The following EVC2 variants were observed in gnomAD, a reference collection of about 807,000 sequenced individuals.
EVC2 encodes the protein limbin.
In EVC2, 148 loss-of-function variants were observed where a neutral mutation model predicts 149.3. The ratio of observed to expected loss-of-function variants is 0.99; its 90% CI spans 0.87 to 1.14. The LOEUF (loss-of-function observed/expected upper bound fraction) is 1.14. Ranked by LOEUF, EVC2 falls within the 50% of genes most tolerant of loss-of-function variation. The pLI is 0.00. For missense variants in EVC2, 1,854 were observed against 1,627.3 expected, an observed-to-expected ratio of 1.14 and a Z score of -2.40; for synonymous variants, 776 against 649.9, an observed-to-expected ratio of 1.19 and a Z score of -2.95.
Position 5,575,946 on chromosome 4 carries a change from A to G in EVC2, c.3272+294T>C, listed in dbSNP as rs564048042. Among the ~76,000 whole-genome samples, 7 of 152,362 alleles carry G rather than the reference A, an allele frequency of 4.6e-5. No homozygotes were observed. In the South Asian group the frequency reaches 1.2e-3, roughly 27 times the overall value. ...CAAGAAGGAAAGCTGGGGGAAGGGT[A>G]CATGGCACTCTCCCTACTACCTTTG... On this transcript the variant is annotated intron_variant, in intron 18 of 21. Transcript: ENST00000344408.
intron 9 of EVC2, among the ~76,000 whole-genome samples, chr4:5,646,057 G>C (rs1481895669): frequency 6.6e-6 from 1 of 152,084 alleles, no homozygotes; most frequent in Non-Finnish European, 1.5e-5. Context: ...TCCGCCTCCT[G>C]AGTACCTGGG....
At position 5,663,169 on chromosome 4, in the gene EVC2, G is replaced by T. The variant is rs142231129; in HGVS notation, c.1083C>A (p.Asn361Lys). 4 of 1,614,162 alleles carry T rather than the reference G, an allele frequency of 2.5e-6. No individual in the cohort carries two copies. The highest frequency in any genetic ancestry group is 3.4e-6 in the Non-Finnish European group (4 of 1,180,020). Reference protein sequence around the residue: ...ADGVNEDLSLNDQMIDILSSE... With the variant: ...ADGVNEDLSLKDQMIDILSSE... ...AAGACAGAATGTCTATCATTTGGTC[G>T]TTAAGGGAAAGGTCCTCATTCACGC... Residue 361 changes from asparagine (N) to lysine (K), a missense_variant, in exon 9 of 22, where the codon AAC becomes AAA. Physicochemically the swap from Asn to Lys is moderately conservative, Grantham distance 94. Transcript: ENST00000344408.
intron 17 of EVC2, among the ~76,000 whole-genome samples, chr4:5,581,158 ATTTC>A (rs1199282267): frequency 6.6e-6 from 1 of 152,228 alleles, no homozygotes; most frequent in Non-Finnish European, 1.5e-5. Flanking sequence ...AGTCTCAGGT[ATTTC>A]TTTATAGCAA....
rs1716872906 is a variant in EVC2, at chr4:5,636,059, T to G, written c.1471-4027A>C. ...CAGCGCCGAGCAATGGCTGAAGTAC[T>G]ATACGAGAATTAACTTACTTATACT... is the stretch of plus-strand genomic sequence containing the variant. On this transcript the variant is annotated intron_variant, in intron 10 of 21. Coordinates refer to ENST00000344408, the MANE Select transcript of EVC2 (RefSeq NM_147127.5). The surrounding 1 kb of genome is among the most constrained non-coding windows in gnomAD (Gnocchi z 4.6). Among the ~76,000 whole-genome samples, 1 of 152,234 alleles carries G rather than the reference T, an allele frequency of 6.6e-6. No homozygotes were observed. The highest frequency in any genetic ancestry group is 1.5e-5 in the Non-Finnish European group (1 of 68,048).
chr4:5,706,413 CATAGATAGATAGATACATAG>C lies in EVC2; in HGVS notation c.228+1853_228+1872del, dbSNP rs1722182106. 3.9e-4 allele frequency among the ~76,000 whole-genome samples: 6 copies of C among 15,542 alleles called. 2 individuals carry two copies. The highest frequency in any genetic ancestry group is 5.6e-4 in the Non-Finnish European group (4 of 7,182). 10.2% of individuals were successfully genotyped at this position (15,542 alleles called of 152,430 possible). ...AGATACATAGATAGATAGATAGATACATAGATAGATAGATACATAGATAGATAGATAGATACATACATACA... is the reference window on the plus strand; with the variant it reads ...AGATACATAGATAGATAGATAGATACATAGATAGATAGATACATACATACA... On this transcript the variant is annotated intron_variant, in intron 1 of 21. Coordinates refer to ENST00000344408, the MANE Select transcript of EVC2 (RefSeq NM_147127.5).
At position 5,706,358 on chromosome 4, in the gene EVC2, A is replaced by ATAGATACATACATAGATAGATAGC. The variant is rs1560243316; in HGVS notation, c.228+1927_228+1928insGCTATCTATCTATGTATGTATCTA. 1.6e-3 allele frequency among the ~76,000 whole-genome samples: 30 copies of ATAGATACATACATAGATAGATAGC among 19,006 alleles called. 2 individuals are homozygous for ATAGATACATACATAGATAGATAGC. Among genetic ancestry groups the ATAGATACATACATAGATAGATAGC allele is most frequent in the African/African-American group, 5.1e-3 (13 of 2,536 alleles). The allele number at this position is 19,006 out of a possible 152,430, so 12.5% of individuals were successfully genotyped here. On this transcript the variant is annotated intron_variant, in intron 1 of 21. Transcript: ENST00000344408. ...GATAGATACATAGATAGATAGACAC[A>ATAGATACATACATAGATAGATAGC]TAGATAGATACATAGATAGATACAT...
intron 10 of EVC2, among the ~76,000 whole-genome samples, chr4:5,639,649 T>C (rs1441420439): frequency 2.0e-5 from 3 of 152,194 alleles, no homozygotes; most frequent in African/African-American, 7.2e-5. Context: ...GAGTTCAGGT[T>C]TTTCTGACTC....
chr4:5,545,737 T>A (rs2108756886), intron 21 of EVC2, among the ~76,000 whole-genome samples: 2 of 152,192 alleles, frequency 1.3e-5, no homozygotes, highest in Admixed American at 1.3e-4. Flanking sequence ...CAGTTCTGTA[T>A]AAAGATTTAG....
chr4:5,545,130 G>A (rs1028834679), intron 21 of EVC2, among the ~76,000 whole-genome samples: 3 of 152,206 alleles, frequency 2.0e-5, no homozygotes, highest in African/African-American at 7.2e-5. Context: ...ACCTATAGAT[G>A]GCCCTGTATG....
Position 5,628,592 on chromosome 4 carries a change from G to A in EVC2, c.1853C>T (p.Ala618Val). The stretch of plus-strand genomic sequence containing the variant: ...CTTCTGAATGAGGTGAGTCAGCTGG[G>A]CTGCAGCGGTGCTCAGAAGGCCCTG... ...RVQGLLSTAA[A>V]QLTHLIQKHE... Residue 618 changes from alanine to valine, a missense_variant, in exon 12 of 22, where the codon GCC (alanine) becomes GTC (valine). Ala to Val is a moderately conservative substitution (Grantham distance 64). Coordinates refer to ENST00000344408, the MANE Select transcript of EVC2 (RefSeq NM_147127.5). 6.2e-7 allele frequency: 1 copy of A among 1,614,068 alleles called. No homozygotes were observed. Among genetic ancestry groups the A allele is most frequent in the African/African-American group, 1.3e-5 (1 of 75,018 alleles).
At position 5,625,926 on chromosome 4, in the gene EVC2, A is replaced by G. The variant is rs1246150488; in HGVS notation, c.1887-18T>C. ...ACCCTGCTCTAGATGGAAAGGATGT[A>G]AAGTTAGGAATGTGGTCTCCAAACT... On this transcript the variant is annotated intron_variant, in intron 12 of 21. Transcript: ENST00000344408. This position sits in a 1 kb window ranked among gnomAD's most constrained non-coding sequence, Gnocchi z 4.0. The G allele has an allele frequency of 4.3e-6, 7 of 1,613,644 alleles. No individual in the cohort carries two copies. In the South Asian group the frequency reaches 5.5e-5, roughly 13 times the overall value.
chr4:5,666,717 T>G (rs73065643), intron 7 of EVC2, among the ~76,000 whole-genome samples: 1 of 152,234 alleles, frequency 6.6e-6, no homozygotes, highest in Admixed American at 6.5e-5. Flanking sequence ...CTGCCTTCTA[T>G]ATTGTCACAG....
chr4:5,578,025 G>A (rs771512976), intron 17 of EVC2, among the ~76,000 whole-genome samples: 2 of 123,200 alleles, frequency 1.6e-5, no homozygotes, highest in African/African-American at 7.8e-5. Context: ...GGAGAGCCCT[G>A]GTTAGGAATG....
At chr4:5,645,837 C>T (rs1049176244) in intron 9 of EVC2, among the ~76,000 whole-genome samples, 3 of 152,234 alleles carry the variant, frequency 2.0e-5, no homozygotes, top group Non-Finnish European at 2.9e-5. Flanking sequence ...GAAGTTGCCA[C>T]ACTGTTTTCC....
rs530685240 is a variant in EVC2 at position 5,655,676 on chromosome 4, A to G, written c.1145+7431T>C. Reference sequence around the variant, plus strand: ...TCACAGACTGTGCTGAGAGCCTCAGAGGCAGAGCACGCACACACAGCCCCT... The same window carrying G: ...TCACAGACTGTGCTGAGAGCCTCAGGGGCAGAGCACGCACACACAGCCCCT... On this transcript the variant is annotated intron_variant, in intron 9 of 21. Transcript: ENST00000344408. 2.6e-5 allele frequency among the ~76,000 whole-genome samples: 4 copies of G among 151,684 alleles called. No homozygotes were observed. In the South Asian group the frequency reaches 8.4e-4, roughly 32 times the overall value.
In EVC2 at chr4:5,574,825, A is replaced by AT. The variant is rs1577106697; in HGVS notation, c.3273-54dup. 56 of 1,523,820 alleles carry AT rather than the reference A, an allele frequency of 3.7e-5. 1 individual carries two copies. In the South Asian group the frequency reaches 6.1e-4, roughly 16 times the overall value. The allele number at this position is 1,523,820 out of a possible 1,614,324, so 94.4% of individuals were successfully genotyped here. ...TTCAGTTTTGTTATAAAGTGATACT[A>AT]TGAGATCATCTAGTTATTTAAATAA... On this transcript the variant is annotated intron_variant, in intron 18 of 21. Transcript: ENST00000344408.
In EVC2 at chr4:5,586,141, C is replaced by T. The variant is rs149477624; in HGVS notation, c.2830-1291G>A. On this transcript the variant is annotated intron_variant, in intron 16 of 21. Transcript: ENST00000344408. ...CCTCCCAAAGTGCTGGGATTACAGG[C>T]GTGAACCACCATGCCCGACCTGTCT... Among the ~76,000 whole-genome samples, 1,053 of 152,254 alleles carry T rather than the reference C, an allele frequency of 6.9e-3. 4 individuals are homozygous for T. Among genetic ancestry groups the T allele is most frequent in the Non-Finnish European group, 0.01 (713 of 68,006 alleles).
intron 16 of EVC2, among the ~76,000 whole-genome samples, chr4:5,609,523 G>T (rs1248676449): frequency 1.3e-5 from 2 of 152,286 alleles, no homozygotes; most frequent in South Asian, 2.1e-4. Flanking sequence ...CAAATGCCTC[G>T]TGTCTGCCTT....
intron 9 of EVC2, among the ~76,000 whole-genome samples, chr4:5,642,696 C>T (rs370410544): frequency 7.9e-5 from 12 of 152,282 alleles, no homozygotes; most frequent in African/African-American, 2.9e-4. Context: ...CAGAAGAGAC[C>T]CCCAGCCATA....
Sources: gnomAD v4.1 joint callset for allele counts (sites outside exome capture counted in the v4.1 genomes callset) on GRCh38, gnomAD v4.1.1 for gene constraint, Gnocchi (gnomAD v3.1) non-coding constraint, MANE v1.5 for transcripts, NCBI Gene and HGNC (gene_info 2026-07-23, HGNC 2026-07-21) for gene names.